NCR1: variants seen among roughly 807,000 people sequenced by gnomAD.
NCR1 encodes the protein NK cell-activating receptor.
NCR1 carries 30 observed loss-of-function variants against 32.5 expected under a neutral mutation model. The ratio of observed to expected loss-of-function variants is 0.92; its 90% confidence interval spans 0.69 to 1.25. The LOEUF (loss-of-function observed/expected upper bound fraction) is 1.25. Ranked by LOEUF, NCR1 falls within the 50% of genes most tolerant of loss-of-function variation. The probability of loss-of-function intolerance (pLI) is 0.00; values close to 1 mark genes in which losing one functional copy is unlikely to be tolerated. For missense variants in NCR1, 369 were observed against 380.7 expected (o/e 0.97, Z 0.26); for synonymous variants, 169 against 143.4 (o/e 1.18, Z -1.28).
At chr19:54,898,338 A>G in the NCR1 span, among the ~76,000 whole-genome samples, 737 of 152,270 alleles carry the variant, frequency 4.8e-3, 5 homozygotes, top group African/African-American at 0.016. Flanking sequence ...GATTTCCAGT[A>G]CTTGTAGCAA....
At chr19:54,921,640 C>T in the NCR1 span, among the ~76,000 whole-genome samples, 8 of 151,860 alleles carry the variant, frequency 5.3e-5, no homozygotes, top group African/African-American at 1.5e-4. Context: ...GGCATGGTGA[C>T]GCACACCTCT....
the NCR1 span, among the ~76,000 whole-genome samples, chr19:54,927,072 AGTG>A: frequency 6.6e-6 from 1 of 151,592 alleles, no homozygotes; most frequent in Non-Finnish European, 1.5e-5. Context: ...CCTGGGCAAC[AGTG>A]AGACTCCATC....
the NCR1 span, among the ~76,000 whole-genome samples, chr19:54,934,976 T>C: frequency 1.3e-5 from 2 of 151,960 alleles, no homozygotes; most frequent in Admixed American, 6.6e-5. This position sits in a 1 kb window ranked among gnomAD's most constrained non-coding sequence, Gnocchi z 6.7. Context: ...GGATTACAGG[T>C]GTGAGCCACC....
At chr19:54,901,258 G>A (rs2067295381), upstream of NCR1, among the ~76,000 whole-genome samples, 1 of 150,652 alleles carries the variant, frequency 6.6e-6, no homozygotes, top group Non-Finnish European at 1.5e-5. Flanking sequence ...CCACTCAGGA[G>A]GCTGAGGCAA....
chr19:54,907,257 G>A (rs2067680710), intron 3 of NCR1, among the ~76,000 whole-genome samples: 1 of 151,090 alleles, frequency 6.6e-6, no homozygotes, highest in African/African-American at 2.4e-5. Context: ...CTGGGTTCAA[G>A]TGATTCTCCA....
chr19:54,901,051 G>A, the NCR1 span, among the ~76,000 whole-genome samples: 2 of 150,886 alleles, frequency 1.3e-5, no homozygotes, highest in African/African-American at 2.4e-5. Context: ...TTGGGAGGCC[G>A]AGAAGGGCGG....
chr19:54,905,739 T>G (rs587666034), upstream of NCR1, among the ~76,000 whole-genome samples: 146 of 152,234 alleles, frequency 9.6e-4, 1 homozygote, highest in African/African-American at 3.5e-3. Context: ...GGAACTGGGT[T>G]TTCTTAAATA....
At chr19:54,923,371 C>A in the NCR1 span, 1 of 354,550 alleles carries the variant, frequency 2.8e-6, no homozygotes, top group Non-Finnish European at 5.4e-6. Context: ...GACCACATGG[C>A]GCCTGAGTTA....
the NCR1 span, among the ~76,000 whole-genome samples, chr19:54,928,117 GGC>G: frequency 6.6e-6 from 1 of 152,162 alleles, no homozygotes; most frequent in Non-Finnish European, 1.5e-5. Context: ...CTACTTGGGA[GGC>G]TGAGGCACAA....
downstream of NCR1, among the ~76,000 whole-genome samples, chr19:54,919,715 C>CT (rs150930007): frequency 2.2e-4 from 15 of 68,732 alleles, no homozygotes; most frequent in Non-Finnish European, 3.1e-4. Flanking sequence ...GAAAGGGAGA[C>CT]CCCCCCCCCC....
chr19:54,930,744 A>T, the NCR1 span: 1 of 1,194,258 alleles, frequency 8.4e-7, no homozygotes, highest in Admixed American at 1.7e-5. Flanking sequence ...CCAACACTAT[A>T]TACCTTCCAC....
At chr19:54,899,450 G>A in the NCR1 span, among the ~76,000 whole-genome samples, 1 of 151,982 alleles carries the variant, frequency 6.6e-6, no homozygotes, top group African/African-American at 2.4e-5. Context: ...AAGGGGTTCA[G>A]GGGTTCTTAC....
upstream of NCR1, among the ~76,000 whole-genome samples, chr19:54,903,344 A>ATATACG (rs1491344481): frequency 5.6e-4 from 67 of 119,456 alleles, 6 homozygotes; most frequent in African/African-American, 2.4e-3. Flanking sequence ...ATGTATATAC[A>ATATACG]TATATGCATA....
At chr19:54,913,497 T>C (rs1275606578), downstream of NCR1, among the ~76,000 whole-genome samples, 1 of 152,192 alleles carries the variant, frequency 6.6e-6, no homozygotes, top group East Asian at 1.9e-4. Flanking sequence ...CATGGAAATA[T>C]TTTTTTCCTA....
Position 54,909,303 on chromosome 19 carries a change from G to T in NCR1, c.414G>T (p.Glu138Asp), listed in dbSNP as rs764081529. ...CTGGACCCGAAGTGATCTCGGGAGA[G>T]AAGGTGACCTTCTACTGCCGTCTAG... ...VHPGPEVISG[E>D]KVTFYCRLDT... is the part of the protein sequence containing the mutation. The change falls in exon 4 of 7, where the codon GAG becomes GAT. Residue 138 changes from glutamate (E) to aspartate (D), a missense_variant. By Grantham distance (45) the Glu-to-Asp change is conservative. Coordinates refer to ENST00000291890, the MANE Select transcript of NCR1 (RefSeq NM_004829.7). 5.6e-6 allele frequency: 9 copies of T among 1,614,014 alleles called. No individual in the cohort carries two copies. The East Asian group carries it at 1.6e-4, about 28-fold the overall frequency.
At chr19:54,936,210 A>G in the NCR1 span, 1 of 1,528,934 alleles carries the variant, frequency 6.5e-7, no homozygotes, top group South Asian at 1.1e-5. Flanking sequence ...CCCCAGCAAC[A>G]CGGTGCAGTG....
At chr19:54,923,977 A>AT in the NCR1 span, 3 of 1,280,374 alleles carry the variant, frequency 2.3e-6, no homozygotes, top group Admixed American at 1.8e-5. Context: ...CGTTTTTGGG[A>AT]TTTTCTGGGG....
chr19:54,903,446 GTATATACA>G (rs2067358895), upstream of NCR1, among the ~76,000 whole-genome samples: 2 of 115,732 alleles, frequency 1.7e-5, no homozygotes, highest in East Asian at 1.0e-3. Context: ...ATACATGTAT[GTATATACA>G]TATATGTATG....
downstream of NCR1, among the ~76,000 whole-genome samples, chr19:54,914,674 T>G (rs1353492012): frequency 6.6e-6 from 1 of 151,870 alleles, no homozygotes; most frequent in Non-Finnish European, 1.5e-5. Flanking sequence ...CTTGCCTTGT[T>G]CTTCAGGGCT....
Sources: gnomAD v4.1 joint callset for allele counts (sites outside exome capture counted in the v4.1 genomes callset) on GRCh38, gnomAD v4.1.1 for gene constraint, Gnocchi (gnomAD v3.1) non-coding constraint, MANE v1.5 for transcripts, NCBI Gene and HGNC (gene_info 2026-07-23, HGNC 2026-07-21) for gene names.